FDXR: variants seen among roughly 807,000 people sequenced by gnomAD.
The protein encoded by FDXR is NADPH:adrenodoxin oxidoreductase, mitochondrial.
FDXR carries 38 observed loss-of-function variants against 58.3 expected under a neutral mutation model. The ratio of observed to expected loss-of-function variants is 0.65; its 90% CI spans 0.50 to 0.85. FDXR has a LOEUF of 0.85. Ranked by LOEUF, FDXR falls within the 40% of genes least tolerant of loss-of-function variation. FDXR has a pLI of 0.00. For missense variants in FDXR, 624 were observed against 671.0 expected (o/e 0.93, Z 0.77); for synonymous variants, 275 against 273.8 (o/e 1.00, Z -0.04).
At position 74,872,959 on chromosome 17, in the gene FDXR, A is replaced by G; in HGVS notation, c.-15T>C. 2 of 1,549,818 alleles carry G rather than the reference A, an allele frequency of 1.3e-6. No individual in the cohort carries two copies. The highest frequency in any genetic ancestry group is 2.4e-5 in the South Asian group (2 of 84,128). ...CGCGAAGCCATGGCTGGGAGCAGCAACCTGCAAGTGGATCTGTTCCTAGCT... is the reference window on the plus strand; with the variant it reads ...CGCGAAGCCATGGCTGGGAGCAGCAGCCTGCAAGTGGATCTGTTCCTAGCT... On this transcript the variant is annotated 5_prime_UTR_variant, in exon 1 of 12. Coordinates refer to ENST00000293195, the MANE Select transcript of FDXR (RefSeq NM_024417.5).
chr17:74,864,247 A>G lies in FDXR; in HGVS notation c.903T>C (p.Arg301=). Reference sequence around the variant, plus strand: ...TTCGGAAAAAGCGGAGGCCCCAGGCACGGGAGGCCGATGCCTGGCGGGCAG... The same window carrying G: ...TTCGGAAAAAGCGGAGGCCCCAGGCGCGGGAGGCCGATGCCTGGCGGGCAG... ...AEAARQASAS[R]AWGLRFFRSP... The change falls in exon 9 of 12, where the codon CGT becomes CGC. Residue 301 remains arginine, a synonymous_variant. Coordinates refer to ENST00000293195, the MANE Select transcript of FDXR (RefSeq NM_024417.5). The G allele has an allele frequency of 6.2e-7, 1 of 1,603,444 alleles. No homozygotes were observed. Among genetic ancestry groups the G allele is most frequent in the South Asian group, 1.1e-5 (1 of 90,930 alleles).
At chr17:74,866,748 C>T (rs771833529) in intron 3 of FDXR, 36 bp downstream of exon 3, 1 of 1,611,880 alleles carries the variant, frequency 6.2e-7, no homozygotes, top group Non-Finnish European at 8.5e-7. Flanking sequence ...TGACCAAAGT[C>T]TCCAAACCCC....
chr17:74,866,633 C>A (rs1431413459), intron 3 of FDXR, 65 bp from the exon 4 acceptor site: 1 of 1,605,650 alleles, frequency 6.2e-7, no homozygotes, highest in African/African-American at 1.3e-5. Flanking sequence ...CAAGTCTGCA[C>A]CACCCTCACC....
At chr17:74,865,070 TG>T (rs368211441) in intron 6 of FDXR, 139 bp from the exon 7 acceptor site, 134 of 1,165,988 alleles carry the variant, frequency 1.1e-4, no homozygotes, top group Non-Finnish European at 1.5e-4. Flanking sequence ...GGTGGCCAGA[TG>T]GAGCATTGCT....
intron 10 of FDXR, 101 bp from the exon 11 acceptor site, chr17:74,863,347 C>G (rs1159427021): frequency 8.7e-7 from 1 of 1,147,966 alleles, no homozygotes; most frequent in Non-Finnish European, 1.2e-6. Context: ...ACACAGACAC[C>G]CCACGCCTCT....
At position 74,864,151 on chromosome 17, in the gene FDXR, C is replaced by A; in HGVS notation, c.999G>T (p.Leu333=). 1.2e-6 allele frequency: 2 copies of A among 1,612,842 alleles called. No homozygotes were observed. Among genetic ancestry groups the A allele is most frequent in the Non-Finnish European group, 1.7e-6 (2 of 1,179,982 alleles). The change falls in exon 9 of 12, where the codon CTG becomes CTT. Residue 333 remains leucine, a synonymous_variant. Transcript: ENST00000293195. ...AAGVRLAVTR[L]EGVDEATRAV... ...CTTTGGGAAACATGAGACTCACCTC[C>A]AGTCTAGTGACTGCTAGGCGGACAC...
chr17:74,871,421 A>C (rs1268528689), intron 2 of FDXR, among the ~76,000 whole-genome samples: 1 of 152,250 alleles, frequency 6.6e-6, no homozygotes. Context: ...CGTCTCAGTT[A>C]ACCTGGGTAT....
rs2038265840 is a variant in FDXR, at chr17:74,868,401, T to C, written c.178-1525A>G. The C allele has an allele frequency of 7.1e-6, 5 of 703,978 alleles. No homozygotes were observed. The East Asian group carries it at 8.1e-5, about 11-fold the overall frequency. The allele number at this position is 703,978 out of a possible 1,614,324, so 43.6% of individuals were successfully genotyped here. On this transcript the variant is annotated intron_variant, in intron 2 of 11. Coordinates refer to ENST00000293195, the MANE Select transcript of FDXR (RefSeq NM_024417.5). ...AGGCAGCCCGGGGTGCAACCTACTC[T>C]GAGTGTTCAATCAAGAAGAGAGCTA...
intron 1 of FDXR, chr17:74,872,363 C>G: frequency 8.3e-7 from 1 of 1,204,078 alleles, no homozygotes; most frequent in South Asian, 1.4e-5. Flanking sequence ...ACCTACTACA[C>G]CACTGCCAAT....
In FDXR at chr17:74,862,908, TCCA is replaced by T. The variant is rs2038021173; in HGVS notation, c.1382_1384del (p.Leu461_Asp462delinsHis). ...CTGGCCCCGGGCCACCTCCTCGGCA[TCCA>T]GCTTCTCCCAGTCTGAGAAAGAGAC... On this transcript the variant is annotated inframe_deletion, in exon 12 of 12. Coordinates refer to ENST00000293195, the MANE Select transcript of FDXR (RefSeq NM_024417.5). The T allele has an allele frequency of 1.2e-6, 2 of 1,613,042 alleles. No individual in the cohort carries two copies. The highest frequency in any genetic ancestry group is 1.7e-6 in the Non-Finnish European group (2 of 1,179,984).
Position 74,872,784 on chromosome 17 carries a change from C to A in FDXR, c.79+82G>T, listed in dbSNP as rs1259250948. 1 of 1,538,342 alleles carries A rather than the reference C, an allele frequency of 6.5e-7. No homozygotes were observed. On this transcript the variant is annotated intron_variant, in intron 1 of 11. Coordinates refer to ENST00000293195, the MANE Select transcript of FDXR (RefSeq NM_024417.5). ...TCAGTCTCACCCTTCTCCAGCCCTG[C>A]CCCAGCTCTGCTCCGACCCCTACTC...
At chr17:74,866,056 C>T in intron 5 of FDXR, 75 bp downstream of exon 5, 1 of 1,201,522 alleles carries the variant, frequency 8.3e-7, no homozygotes, top group Non-Finnish European at 1.2e-6. Flanking sequence ...TGGCAGCTCC[C>T]TCTTCCCCCA....
chr17:74,864,552 T>A lies in FDXR; in HGVS notation c.730A>T (p.Met244Leu), dbSNP rs146549848. ...GGCCGGGCTCCCGGTAACTGAATCA[T>A]CTCCCGAAGCTCCTTGAAGGTGGGA... ...VAFTIKELREMIQLPGARPIL... is the reference protein window; with the variant it reads ...VAFTIKELRELIQLPGARPIL... Residue 244 changes from methionine to leucine, a missense_variant, in exon 8 of 12, where the codon ATG (methionine) becomes TTG (leucine). Met to Leu is a conservative substitution (Grantham distance 15). Coordinates refer to ENST00000293195, the MANE Select transcript of FDXR (RefSeq NM_024417.5). 7.3e-5 allele frequency: 118 copies of A among 1,613,836 alleles called. 2 individuals carry two copies. The African/African-American group carries it at 1.5e-3, about 20-fold the overall frequency.
chr17:74,865,860 T>G (rs1433012848), intron 5 of FDXR, 40 bp from the exon 6 acceptor site: 1 of 1,477,860 alleles, frequency 6.8e-7, no homozygotes, highest in African/African-American at 1.4e-5. Context: ...CCAGCCTCGC[T>G]CCACTCAGTT....
intron 10 of FDXR, among the ~76,000 whole-genome samples, chr17:74,863,577 T>C (rs931594813): frequency 6.6e-6 from 1 of 152,200 alleles, no homozygotes; most frequent in African/African-American, 2.4e-5. Flanking sequence ...GGGCACTTAG[T>C]AAAACTGGAA....
At chr17:74,869,070 C>T (rs1194706879) in intron 2 of FDXR, among the ~76,000 whole-genome samples, 1 of 152,116 alleles carries the variant, frequency 6.6e-6, no homozygotes. Flanking sequence ...AATCCCCCAT[C>T]CTCCCAGTCC....
chr17:74,866,717 G>A, intron 3 of FDXR, 67 bp downstream of exon 3: 2 of 1,593,418 alleles, frequency 1.3e-6, no homozygotes, highest in South Asian at 1.1e-5. Context: ...CAGCCAGGGA[G>A]CCTCCCTGCC....
In FDXR at chr17:74,863,179, G is replaced by A. The variant is rs1249062698; in HGVS notation, c.1242C>T (p.Ser414=). ...GCAGCAGCATCTGGCCGGTGAGGAA[G>A]CTGTCAGTCATGGTTGTGGCTATGA... ...TGVIATTMTD[S]FLTGQMLLQD... Residue 414 remains serine (S), a synonymous_variant, in exon 11 of 12, where the codon AGC becomes AGT. Transcript: ENST00000293195. The A allele has an allele frequency of 2.5e-6, 4 of 1,613,934 alleles. No homozygotes were observed. The highest frequency in any genetic ancestry group is 3.3e-4 in the Middle Eastern group (2 of 6,062).
chr17:74,865,623 A>C, intron 6 of FDXR, 96 bp downstream of exon 6: 1 of 803,608 alleles, frequency 1.2e-6, no homozygotes, highest in Non-Finnish European at 2.0e-6. Context: ...CACTGAGCCC[A>C]GCTTGGAGAG....
Sources: allele counts gnomAD v4.1 joint callset (sites outside exome capture counted in the v4.1 genomes callset), GRCh38; gene constraint gnomAD v4.1.1; transcripts MANE v1.5; gene names NCBI Gene and HGNC (gene_info 2026-07-23, HGNC 2026-07-21).